The following TSG101 variants were observed in gnomAD, a reference collection of about 807,000 sequenced individuals.
TSG101 encodes the protein tumor susceptibility gene 101 protein.
Under a neutral mutation model 48.5 loss-of-function variants are expected in TSG101, and 19 were observed. That is an observed-to-expected ratio of 0.39 (90% confidence interval 0.27 to 0.58). The LOEUF is 0.58. Among genes scored for constraint, TSG101 ranks in the 20% least tolerant of loss-of-function variants. The probability of loss-of-function intolerance (pLI) is 0.55; values close to 1 mark genes in which losing one functional copy is unlikely to be tolerated. For synonymous variants in TSG101, 174 were observed against 169.4 expected (o/e 1.03, Z -0.21); for missense variants, 365 against 484.4 (o/e 0.75, Z 2.31).
intron 6 of TSG101, among the ~76,000 whole-genome samples, chr11:18,503,970 G>A (rs888865275): frequency 1.3e-5 from 2 of 152,136 alleles, no homozygotes; most frequent in African/African-American, 2.4e-5. Flanking sequence ...TTGGGAGGCT[G>A]AGGCAGGTAG....
At chr11:18,488,509 A>G (rs1402776809) in intron 7 of TSG101, among the ~76,000 whole-genome samples, 1 of 152,190 alleles carries the variant, frequency 6.6e-6, no homozygotes, top group Non-Finnish European at 1.5e-5. Flanking sequence ...AAAAAGCATG[A>G]TCAGGGCCAG....
At position 18,480,414 on chromosome 11, in the gene TSG101, AAAAT is replaced by A. The variant is rs753460455; in HGVS notation, c.*128_*131del. ...GCCAGTCTTTACCAAAAGAAAACAGAAAATATATTATTGATTCAAAATATTTTAC... is the reference window on the plus strand; with the variant it reads ...GCCAGTCTTTACCAAAAGAAAACAGAATATTATTGATTCAAAATATTTTAC... On this transcript the variant is annotated 3_prime_UTR_variant, in exon 10 of 10. Transcript: ENST00000251968. 8 of 687,938 alleles carry A rather than the reference AAAAT, an allele frequency of 1.2e-5. No homozygotes were observed. The Middle Eastern group carries it at 9.1e-4, about 78-fold the overall frequency. The allele number at this position is 687,938 out of a possible 1,614,324, so 42.6% of individuals were successfully genotyped here. A position where few individuals can be genotyped will look rare whatever the true frequency, so the allele number is the denominator to read the frequency against.
intron 7 of TSG101, among the ~76,000 whole-genome samples, chr11:18,488,868 G>A (rs990830097): frequency 1.3e-5 from 2 of 152,156 alleles, no homozygotes; most frequent in African/African-American, 4.8e-5. Flanking sequence ...GCTCACACCT[G>A]CAATTCCAGC....
chr11:18,514,726 A>C lies in TSG101; in HGVS notation c.309T>G (p.Val103=). ...SSMTIKTGKH[V]DANGKIYLPY... The stretch of plus-strand genomic sequence containing the variant: ...GAAGATATATCTTCCCATTTGCATC[A>C]ACATGCTTTCCTGTTTTAATAGTCA... Residue 103 remains valine, a synonymous_variant, in exon 4 of 10, where the codon GTT becomes GTG. Coordinates refer to ENST00000251968, the MANE Select transcript of TSG101 (RefSeq NM_006292.4). 6.3e-7 allele frequency: 1 copy of C among 1,591,648 alleles called. No individual in the cohort carries two copies. Among genetic ancestry groups the C allele is most frequent in the Non-Finnish European group, 8.5e-7 (1 of 1,173,346 alleles).
rs529567508 is a variant in TSG101, at chr11:18,504,910, C to A, written c.548+1947G>T. 2.0e-4 allele frequency among the ~76,000 whole-genome samples: 31 copies of A among 152,214 alleles called. 1 individual carries two copies. The South Asian group carries it at 5.6e-3, about 27-fold the overall frequency. On this transcript the variant is annotated intron_variant, in intron 6 of 9. Coordinates refer to ENST00000251968, the MANE Select transcript of TSG101 (RefSeq NM_006292.4). ...GCCTCAAGAAATCTAAAATGAATAA[C>A]CTGCTTATATATTACTACCAAAGGA...
At chr11:18,499,196 A>AAT (rs900655889) in intron 7 of TSG101, among the ~76,000 whole-genome samples, 12 of 128,684 alleles carry the variant, frequency 9.3e-5, no homozygotes, top group East Asian at 2.0e-4. Context: ...TTCTTTTTTA[A>AAT]ATATATATAT....
At chr11:18,498,530 A>G (rs1465062085) in intron 7 of TSG101, among the ~76,000 whole-genome samples, 1 of 152,216 alleles carries the variant, frequency 6.6e-6, no homozygotes, top group Non-Finnish European at 1.5e-5. Flanking sequence ...GGATGACTCC[A>G]AAGAGTATAG....
intron 4 of TSG101, among the ~76,000 whole-genome samples, chr11:18,514,226 C>A (rs1850132833): frequency 1.3e-5 from 2 of 152,182 alleles, no homozygotes; most frequent in Non-Finnish European, 2.9e-5. Flanking sequence ...AGCCTTCCAA[C>A]AGGTGTTGTT....
chr11:18,502,372 G>A lies in TSG101; in HGVS notation c.640+114C>T, dbSNP rs184840893. On this transcript the variant is annotated intron_variant, in intron 7 of 9. Coordinates refer to ENST00000251968, the MANE Select transcript of TSG101 (RefSeq NM_006292.4). Reference sequence around the variant, plus strand: ...TTTAAGATTATAGTACATTATTATAGGTTTTCCTCTAAGAAGAAAGAGTAG... The same window carrying A: ...TTTAAGATTATAGTACATTATTATAAGTTTTCCTCTAAGAAGAAAGAGTAG... 1.4e-5 allele frequency: 10 copies of A among 719,802 alleles called. No homozygotes were observed. In the Admixed American group the frequency reaches 2.4e-4, roughly 17 times the overall value. The allele number at this position is 719,802 out of a possible 1,614,324, so 44.6% of individuals were successfully genotyped here.
At chr11:18,517,940 A>G (rs1224971807) in intron 2 of TSG101, among the ~76,000 whole-genome samples, 4 of 152,190 alleles carry the variant, frequency 2.6e-5, no homozygotes, top group Admixed American at 1.3e-4. Context: ...TGTTTACTCT[A>G]AAAGTATTTG....
intron 6 of TSG101, 101 bp downstream of exon 6, chr11:18,506,756 C>A: frequency 2.3e-6 from 2 of 862,532 alleles, no homozygotes; most frequent in South Asian, 2.5e-5. Flanking sequence ...CACTAAATTG[C>A]AATTAAATTT....
intron 7 of TSG101, chr11:18,490,974 G>A (rs928962525): frequency 2.0e-5 from 5 of 256,204 alleles, no homozygotes; most frequent in Admixed American, 4.6e-5. Context: ...TGGGAGGGCT[G>A]CAGGGGACGA....
intron 1 of TSG101, chr11:18,525,661 C>G (rs1760821415): frequency 8.1e-6 from 8 of 984,268 alleles, no homozygotes; most frequent in Non-Finnish European, 9.6e-6. Flanking sequence ...GGATCTTTAC[C>G]TGGGTCACAA....
chr11:18,493,574 T>G (rs1293347099), intron 7 of TSG101, among the ~76,000 whole-genome samples: 1 of 152,212 alleles, frequency 6.6e-6, no homozygotes, highest in Admixed American at 6.5e-5. Flanking sequence ...TGGATGTTAC[T>G]TGCTCAGGCC....
intron 6 of TSG101, among the ~76,000 whole-genome samples, chr11:18,503,370 ATTTTT>A (rs397848238): frequency 7.6e-6 from 1 of 130,850 alleles, no homozygotes; most frequent in Non-Finnish European, 1.6e-5. Context: ...TTCAGGTTAA[ATTTTT>A]TTTTTTTTTT....
At chr11:18,523,558 A>G (rs1393723142) in intron 1 of TSG101, among the ~76,000 whole-genome samples, 1 of 152,138 alleles carries the variant, frequency 6.6e-6, no homozygotes, top group Non-Finnish European at 1.5e-5. Context: ...GCTGGAGTGC[A>G]GTGGCGTGAT....
intron 7 of TSG101, among the ~76,000 whole-genome samples, chr11:18,486,510 T>C (rs1478994708): frequency 6.6e-6 from 1 of 152,074 alleles, no homozygotes; most frequent in Admixed American, 6.5e-5. Context: ...AAAAGACACA[T>C]GAAAAAATGC....
intron 7 of TSG101, among the ~76,000 whole-genome samples, chr11:18,495,423 G>A (rs1849760473): frequency 6.6e-6 from 1 of 152,156 alleles, no homozygotes; most frequent in Non-Finnish European, 1.5e-5. Flanking sequence ...TTTCACCACT[G>A]CTGAGACTGG....
At chr11:18,519,644 T>C (rs1269259059) in intron 1 of TSG101, 41 bp from the exon 2 acceptor site, 2 of 1,420,282 alleles carry the variant, frequency 1.4e-6, no homozygotes, top group Non-Finnish European at 2.0e-6. Context: ...TTAAAACCAA[T>C]GCATATATTT....
Sources: allele counts gnomAD v4.1 joint callset (sites outside exome capture counted in the v4.1 genomes callset), GRCh38; gene constraint gnomAD v4.1.1; transcripts MANE v1.5; gene names NCBI Gene and HGNC (gene_info 2026-07-23, HGNC 2026-07-21).